Variants in IQGAP2 observed in about 807,000 individuals in gnomAD.
IQGAP2 encodes ras GTPase-activating-like protein IQGAP2.
A neutral mutation model predicts 201.3 loss-of-function variants in IQGAP2; 173 were observed. The ratio of observed to expected loss-of-function variants is 0.86; its 90% CI spans 0.76 to 0.98. The LOEUF (loss-of-function observed/expected upper bound fraction) is 0.98. IQGAP2 is among the 50% of genes least tolerant of loss of function. The pLI is 0.00. For missense variants in IQGAP2, 1,687 were observed against 1,864.8 expected (o/e 0.90, Z 1.76); for synonymous variants, 675 against 673.9 (o/e 1.00, Z -0.03).
At chr5:76,428,230 C>A (rs544141041) in intron 1 of IQGAP2, among the ~76,000 whole-genome samples, 1 of 152,174 alleles carries the variant, frequency 6.6e-6, no homozygotes, top group East Asian at 1.9e-4. Context: ...AGCCAGACAC[C>A]TTCTTTCCTA....
At chr5:76,484,343 G>T (rs142017605) in intron 2 of IQGAP2, among the ~76,000 whole-genome samples, 44 of 152,308 alleles carry the variant, frequency 2.9e-4, no homozygotes, top group Middle Eastern at 6.8e-3. Context: ...GGGGGCGCAG[G>T]TTGTGACAGG....
Position 76,674,560 on chromosome 5 carries a change from T to C in IQGAP2, c.3378T>C (p.Ala1126=). 2 of 1,614,090 alleles carry C rather than the reference T, an allele frequency of 1.2e-6. No homozygotes were observed. The highest frequency in any genetic ancestry group is 2.2e-5 in the South Asian group (2 of 91,074). Residue 1126 remains alanine, a synonymous_variant, in exon 27 of 36, where the codon GCT becomes GCC. Coordinates refer to ENST00000274364, the MANE Select transcript of IQGAP2 (RefSeq NM_006633.5). Reference sequence around the variant, plus strand: ...GCTTTGATATCATCGACATGACAGCTGGAGGTCAGATAAATTCTGACCAAA... The same window carrying C: ...GCTTTGATATCATCGACATGACAGCCGGAGGTCAGATAAATTCTGACCAAA... ...PDGFDIIDMT[A]GGQINSDQRR... is the part of the protein sequence containing the mutation.
At chr5:76,551,101 G>A (rs552979526) in intron 2 of IQGAP2, among the ~76,000 whole-genome samples, 3 of 147,424 alleles carry the variant, frequency 2.0e-5, no homozygotes, top group South Asian at 2.2e-4. Context: ...GGGCGGCTGC[G>A]GGGCGGAGGG....
At chr5:76,477,935 GA>G (rs1273039865) in intron 2 of IQGAP2, among the ~76,000 whole-genome samples, 7 of 152,042 alleles carry the variant, frequency 4.6e-5, no homozygotes, top group African/African-American at 1.4e-4. Context: ...GACATAAAGG[GA>G]AAAATATTTT....
At chr5:76,451,132 T>C (rs1753714597) in intron 1 of IQGAP2, among the ~76,000 whole-genome samples, 1 of 152,176 alleles carries the variant, frequency 6.6e-6, no homozygotes, top group African/African-American at 2.4e-5. Context: ...TTGAACAAGC[T>C]TGTCTTTATG....
intron 1 of IQGAP2, among the ~76,000 whole-genome samples, chr5:76,445,232 G>A (rs1347919724): frequency 6.6e-6 from 1 of 152,184 alleles, no homozygotes. Flanking sequence ...AGTGGTTAGG[G>A]AAAGGTGATG....
intron 2 of IQGAP2, among the ~76,000 whole-genome samples, chr5:76,467,798 A>G (rs1348638657): frequency 6.6e-6 from 1 of 152,238 alleles, no homozygotes; most frequent in Non-Finnish European, 1.5e-5. Flanking sequence ...AGCTATAAAA[A>G]AGAATGAAGT....
chr5:76,667,042 C>T (rs1456611835), intron 22 of IQGAP2, among the ~76,000 whole-genome samples: 1 of 152,174 alleles, frequency 6.6e-6, no homozygotes, highest in Non-Finnish European at 1.5e-5. Context: ...AGACACCACA[C>T]CTGACCTAGC....
rs114513211 is a variant in IQGAP2 at position 76,650,809 on chromosome 5, T to C, written c.2095-1941T>C. On this transcript the variant is annotated intron_variant, in intron 17 of 35. Coordinates refer to ENST00000274364, the MANE Select transcript of IQGAP2 (RefSeq NM_006633.5). The stretch of plus-strand genomic sequence containing the variant: ...ACTCTTAACTGATGTGTAACATCCC[T>C]CAGTGGGACTGCAATTGCAGTGTCT... Among the ~76,000 whole-genome samples, 720 of 152,332 alleles carry C rather than the reference T, an allele frequency of 4.7e-3. 7 individuals carry two copies. Among genetic ancestry groups the C allele is most frequent in the African/African-American group, 0.017 (687 of 41,570 alleles).
chr5:76,481,924 A>G (rs994441562), intron 2 of IQGAP2, among the ~76,000 whole-genome samples: 1 of 152,222 alleles, frequency 6.6e-6, no homozygotes, highest in African/African-American at 2.4e-5. Context: ...AGAAGCAAGA[A>G]AGGTTACAGG....
At chr5:76,672,608 C>T (rs1468139631) in intron 24 of IQGAP2, among the ~76,000 whole-genome samples, 2 of 152,020 alleles carry the variant, frequency 1.3e-5, no homozygotes, top group African/African-American at 4.8e-5. Flanking sequence ...TTTGTTGGCA[C>T]AGAAAAAAAT....
rs1369377453 is a variant in IQGAP2 at position 76,463,114 on chromosome 5, C to T, written c.146+1445C>T. Reference sequence around the variant, plus strand: ...CTCCAGCCTGGGTGGCAGAGTGAGACGCTGTCTTTAAAAAAAAAAAAAAAA... The same window carrying T: ...CTCCAGCCTGGGTGGCAGAGTGAGATGCTGTCTTTAAAAAAAAAAAAAAAA... On this transcript the variant is annotated intron_variant, in intron 2 of 35. Coordinates refer to ENST00000274364, the MANE Select transcript of IQGAP2 (RefSeq NM_006633.5). Among the ~76,000 whole-genome samples the T allele has an allele frequency of 5.9e-5, 6 of 101,714 alleles. No homozygotes were observed. In the South Asian group the frequency reaches 9.0e-4, roughly 15 times the overall value. 66.7% of individuals were successfully genotyped at this position (101,714 alleles called of 152,430 possible). A position where few individuals can be genotyped will look rare whatever the true frequency, so the allele number is the denominator to read the frequency against.
intron 13 of IQGAP2, among the ~76,000 whole-genome samples, chr5:76,622,038 T>C (rs1295757414): frequency 1.3e-5 from 2 of 152,154 alleles, no homozygotes; most frequent in East Asian, 3.9e-4. Flanking sequence ...TTCAGGCTGC[T>C]AAAAGCCTAA....
At chr5:76,491,651 T>C (rs986353037) in intron 2 of IQGAP2, among the ~76,000 whole-genome samples, 1 of 152,162 alleles carries the variant, frequency 6.6e-6, no homozygotes, top group East Asian at 1.9e-4. Flanking sequence ...AACTTTTCTC[T>C]TTTCCTGACA....
At chr5:76,537,193 G>A (rs371255131) in intron 2 of IQGAP2, among the ~76,000 whole-genome samples, 31 of 152,158 alleles carry the variant, frequency 2.0e-4, no homozygotes, top group Admixed American at 3.3e-4. Context: ...ATAGTGATTC[G>A]GCCAATGGAA....
chr5:76,591,672 T>G (rs1191491567), intron 8 of IQGAP2, among the ~76,000 whole-genome samples: 1 of 152,186 alleles, frequency 6.6e-6, no homozygotes, highest in Non-Finnish European at 1.5e-5. Context: ...CTCTTTCTCC[T>G]CTTCCTTCTC....
intron 2 of IQGAP2, 118 bp downstream of exon 2, chr5:76,461,787 C>A: frequency 1.4e-6 from 1 of 690,160 alleles, no homozygotes; most frequent in South Asian, 1.8e-5. Context: ...AAAGAGTTGT[C>A]GTAGTTGGAG....
At chr5:76,666,789 G>GC (rs1743798335) in intron 22 of IQGAP2, among the ~76,000 whole-genome samples, 2 of 152,134 alleles carry the variant, frequency 1.3e-5, no homozygotes, top group African/African-American at 2.4e-5. Flanking sequence ...TCCCACCCAG[G>GC]CAGGAGTGCA....
intron 1 of IQGAP2, among the ~76,000 whole-genome samples, chr5:76,454,277 T>G (rs1387805918): frequency 6.6e-6 from 1 of 151,794 alleles, no homozygotes; most frequent in African/African-American, 2.4e-5. Context: ...AAAAAGAAAT[T>G]AGATATATAT....
Sources: gnomAD v4.1 joint callset for allele counts (sites outside exome capture counted in the v4.1 genomes callset) on GRCh38, gnomAD v4.1.1 for gene constraint, MANE v1.5 for transcripts, NCBI Gene and HGNC (gene_info 2026-07-23, HGNC 2026-07-21) for gene names.